The following SPECC1L variants were observed in gnomAD, a reference collection of about 807,000 sequenced individuals.
SPECC1L encodes cytospin-A.
Under a neutral mutation model 116.8 loss-of-function variants are expected in SPECC1L, and 40 were observed. The observed-to-expected ratio is 0.34, with a 90% CI of 0.27 to 0.45. The LOEUF (loss-of-function observed/expected upper bound fraction) is 0.45. Among genes scored for constraint, SPECC1L ranks in the 20% least tolerant of loss-of-function variants. The pLI is 1.00. For missense variants in SPECC1L, 1,110 were observed against 1,373.6 expected, an observed-to-expected ratio of 0.81 and a Z score of 3.03; for synonymous variants, 504 against 500.6, an observed-to-expected ratio of 1.01 and a Z score of -0.09.
chr22:24,388,442 T>C (rs895555916), intron 14 of SPECC1L, among the ~76,000 whole-genome samples: 7 of 151,870 alleles, frequency 4.6e-5, no homozygotes, highest in Non-Finnish European at 1.0e-4. Flanking sequence ...TGCATAGTAT[T>C]CCATGGTGTA....
intron 14 of SPECC1L, among the ~76,000 whole-genome samples, chr22:24,375,639 A>G (rs774397457): frequency 4.6e-5 from 7 of 152,228 alleles, no homozygotes; most frequent in Non-Finnish European, 8.8e-5. Context: ...AATTTTCTCA[A>G]TCTAATAAAG....
At chr22:24,295,674 C>G (rs139447083) in intron 2 of SPECC1L, among the ~76,000 whole-genome samples, 4,124 of 152,164 alleles carry the variant, frequency 0.027, 71 homozygotes, top group Non-Finnish European at 0.042. Flanking sequence ...AGCACGGGCC[C>G]GGCGCGGTGG....
At chr22:24,365,659 T>G in intron 13 of SPECC1L, 27 bp downstream of exon 13, 5 of 1,613,134 alleles carry the variant, frequency 3.1e-6, no homozygotes, top group Non-Finnish European at 4.2e-6. Context: ...ATTCATGCAT[T>G]TCGTGTGTAC....
At chr22:24,340,530 G>A (rs575780239) in intron 10 of SPECC1L, among the ~76,000 whole-genome samples, 14 of 152,236 alleles carry the variant, frequency 9.2e-5, no homozygotes, top group African/African-American at 3.1e-4. Flanking sequence ...AAATAAAGAT[G>A]CCAAATGTAA....
At chr22:24,380,036 A>C (rs894854432) in intron 14 of SPECC1L, among the ~76,000 whole-genome samples, 1 of 152,012 alleles carries the variant, frequency 6.6e-6, no homozygotes, top group Non-Finnish European at 1.5e-5. Flanking sequence ...CCGCCCAGCT[A>C]ATTTTTGTAT....
chr22:24,355,584 G>A (rs2041516785), intron 11 of SPECC1L, among the ~76,000 whole-genome samples: 1 of 152,176 alleles, frequency 6.6e-6, no homozygotes, highest in Middle Eastern at 3.4e-3. Flanking sequence ...GTTCATTCCA[G>A]AATTTTCCCT....
At chr22:24,375,001 C>T (rs181527724) in intron 14 of SPECC1L, among the ~76,000 whole-genome samples, 17 of 151,482 alleles carry the variant, frequency 1.1e-4, no homozygotes, top group Non-Finnish European at 1.6e-4. Context: ...AATAAAGGGA[C>T]GTTACTAATG....
rs2146824292 is a variant in SPECC1L at position 24,412,587 on chromosome 22, A to G, written c.3205-61A>G. On this transcript the variant is annotated intron_variant, in intron 15 of 16. Coordinates refer to ENST00000314328, the MANE Select transcript of SPECC1L (RefSeq NM_015330.6). Reference sequence around the variant, plus strand: ...ATGCATCTGTCCCAGGCAGTTGTGGAGGCCACGTGACTTTCTCTGTGCCTT... The same window carrying G: ...ATGCATCTGTCCCAGGCAGTTGTGGGGGCCACGTGACTTTCTCTGTGCCTT... 3 of 1,523,376 alleles carry G rather than the reference A, an allele frequency of 2.0e-6. No individual in the cohort carries two copies. In the South Asian group the frequency reaches 3.4e-5, roughly 17 times the overall value. 94.4% of individuals were successfully genotyped at this position (1,523,376 alleles called of 1,614,324 possible).
At chr22:24,398,470 A>G (rs1290295971) in intron 14 of SPECC1L, among the ~76,000 whole-genome samples, 1 of 152,232 alleles carries the variant, frequency 6.6e-6, no homozygotes, top group Non-Finnish European at 1.5e-5. Flanking sequence ...CTGCTTTTCC[A>G]GTGATCTACA....
intron 14 of SPECC1L, among the ~76,000 whole-genome samples, chr22:24,406,472 A>G (rs2042592811): frequency 6.6e-6 from 1 of 152,238 alleles, no homozygotes; most frequent in South Asian, 2.1e-4. Context: ...CAAGAGGCCA[A>G]GCACAGAGCT....
chr22:24,309,771 G>C (rs748246420), intron 3 of SPECC1L, among the ~76,000 whole-genome samples: 17 of 152,148 alleles, frequency 1.1e-4, no homozygotes, highest in Non-Finnish European at 1.8e-4. Context: ...TACTACCGTG[G>C]TGAAAAAATA....
chr22:24,399,797 T>C (rs57389417), intron 14 of SPECC1L, among the ~76,000 whole-genome samples: 1,803 of 152,270 alleles, frequency 0.012, 39 homozygotes, highest in African/African-American at 0.041. Flanking sequence ...ATATATCAGG[T>C]TCCTTTTGCC....
At chr22:24,272,637 A>G (rs2048751508) in intron 1 of SPECC1L, among the ~76,000 whole-genome samples, 1 of 151,406 alleles carries the variant, frequency 6.6e-6, no homozygotes, top group Admixed American at 6.6e-5. Context: ...ACTGCACTCC[A>G]GCCTGGGCGA....
chr22:24,372,804 G>A (rs950288995), intron 14 of SPECC1L, among the ~76,000 whole-genome samples: 3 of 152,000 alleles, frequency 2.0e-5, no homozygotes, highest in Non-Finnish European at 4.4e-5. Flanking sequence ...GAAATAAAGA[G>A]TATTCAGTTA....
intron 14 of SPECC1L, among the ~76,000 whole-genome samples, chr22:24,403,425 T>C (rs933427725): frequency 6.6e-6 from 1 of 152,266 alleles, no homozygotes; most frequent in African/African-American, 2.4e-5. Flanking sequence ...TTTTTTCTTC[T>C]TAGATTGCCA....
chr22:24,314,492 T>A (rs994768587), intron 4 of SPECC1L, among the ~76,000 whole-genome samples: 2 of 152,284 alleles, frequency 1.3e-5, no homozygotes, highest in African/African-American at 4.8e-5. Flanking sequence ...ATTTACTGTC[T>A]ATTTTTATAT....
At chr22:24,343,471 GT>G (rs558114257) in intron 10 of SPECC1L, 67 of 441,984 alleles carry the variant, frequency 1.5e-4, no homozygotes, top group South Asian at 1.0e-3. Flanking sequence ...GTTTTGTTTT[GT>G]TTTTTTGAGA....
rs1201186454 is a variant in SPECC1L, at chr22:24,415,321, G to C, written c.*698G>C. Reference sequence around the variant, plus strand: ...CTTTCTGGCGGGAAGCAGTTACGGGGGCCCCTTGCCTGGACTCAGCGACCT... The same window carrying C: ...CTTTCTGGCGGGAAGCAGTTACGGGCGCCCCTTGCCTGGACTCAGCGACCT... On this transcript the variant is annotated 3_prime_UTR_variant, in exon 17 of 17. Coordinates refer to ENST00000314328, the MANE Select transcript of SPECC1L (RefSeq NM_015330.6). 2.0e-5 allele frequency: 3 copies of C among 153,102 alleles called. No individual in the cohort carries two copies. Among genetic ancestry groups the C allele is most frequent in the African/African-American group, 7.2e-5 (3 of 41,444 alleles). 9.5% of individuals were successfully genotyped at this position (153,102 alleles called of 1,614,324 possible).
intron 14 of SPECC1L, among the ~76,000 whole-genome samples, chr22:24,385,606 C>G (rs2042146611): frequency 6.6e-6 from 1 of 152,156 alleles, no homozygotes; most frequent in African/African-American, 2.4e-5. Flanking sequence ...TTGAGATTGT[C>G]CGTAATGATA....
Sources: gnomAD v4.1 joint callset for allele counts (sites outside exome capture counted in the v4.1 genomes callset) on GRCh38, gnomAD v4.1.1 for gene constraint, MANE v1.5 for transcripts, NCBI Gene and HGNC (gene_info 2026-07-23, HGNC 2026-07-21) for gene names.